FBXO34: variants seen among roughly 807,000 people sequenced by gnomAD.
The protein encoded by FBXO34 is F-box only protein 34.
A neutral mutation model predicts 24.5 loss-of-function variants in FBXO34; 12 were observed. That is an observed-to-expected ratio of 0.49 (90% CI 0.31 to 0.79). The LOEUF (loss-of-function observed/expected upper bound fraction) is 0.79. FBXO34 is among the 30% of genes least tolerant of loss of function. The probability of loss-of-function intolerance (pLI) is 0.04; values close to 1 mark genes in which losing one functional copy is unlikely to be tolerated. For synonymous variants in FBXO34, 320 were observed against 311.9 expected (o/e 1.03, Z -0.27); for missense variants, 823 against 857.7 (o/e 0.96, Z 0.51).
chr14:55,402,403 C>T, the FBXO34 span, among the ~76,000 whole-genome samples: 2 of 152,014 alleles, frequency 1.3e-5, no homozygotes, highest in East Asian at 1.9e-4. Flanking sequence ...CCTTTTGATT[C>T]GGTTATTGCA....
At chr14:55,418,218 G>T in the FBXO34 span, among the ~76,000 whole-genome samples, 1 of 152,222 alleles carries the variant, frequency 6.6e-6, no homozygotes, top group Non-Finnish European at 1.5e-5. Context: ...GCCAGATGGG[G>T]AGTATATTAG....
chr14:55,378,332 C>A, the FBXO34 span, among the ~76,000 whole-genome samples: 5 of 152,194 alleles, frequency 3.3e-5, no homozygotes, highest in African/African-American at 7.2e-5. Context: ...AATATCTGCA[C>A]ACTAATGAAA....
chr14:55,323,041 C>T (rs1304475252), intron 1 of FBXO34, among the ~76,000 whole-genome samples: 4 of 106,464 alleles, frequency 3.8e-5, no homozygotes, highest in South Asian at 3.2e-4. Context: ...AAAGCAAAAA[C>T]GGGCATGATG....
At chr14:55,436,477 T>C in the FBXO34 span, 1 of 1,188,926 alleles carries the variant, frequency 8.4e-7, no homozygotes, top group Non-Finnish European at 1.2e-6. Context: ...TTCCCTACTA[T>C]TATCCTGAAA....
chr14:55,384,084 G>A, the FBXO34 span, among the ~76,000 whole-genome samples: 5 of 152,112 alleles, frequency 3.3e-5, no homozygotes, highest in East Asian at 3.8e-4. Flanking sequence ...GTACTGCTGC[G>A]TCTCCCTTCT....
At chr14:55,418,200 G>A in the FBXO34 span, among the ~76,000 whole-genome samples, 1 of 152,196 alleles carries the variant, frequency 6.6e-6, no homozygotes, top group Non-Finnish European at 1.5e-5. Context: ...CAGCAGGGCT[G>A]GATTCCTGCC....
intron 1 of FBXO34, among the ~76,000 whole-genome samples, chr14:55,294,123 T>C (rs1403140953): frequency 6.6e-6 from 1 of 152,024 alleles, no homozygotes; most frequent in African/African-American, 2.4e-5. Flanking sequence ...CCCTCTTTGC[T>C]TGCACTTCTA....
intron 1 of FBXO34, among the ~76,000 whole-genome samples, chr14:55,338,048 CTTTTTTTTTTT>C (rs58194693): frequency 1.1e-5 from 1 of 88,266 alleles, no homozygotes. Context: ...GTATGTACTT[CTTTTTTTTTTT>C]TTTTTTTTGA....
the FBXO34 span, among the ~76,000 whole-genome samples, chr14:55,433,035 TA>T: frequency 6.6e-6 from 1 of 152,112 alleles, no homozygotes; most frequent in African/African-American, 2.4e-5. Flanking sequence ...TACTGTAACT[TA>T]AAAAAAATTC....
At chr14:55,397,271 A>G in the FBXO34 span, 2 of 1,013,774 alleles carry the variant, frequency 2.0e-6, no homozygotes, top group Non-Finnish European at 3.1e-6. Flanking sequence ...TCCTAAATTC[A>G]GTAAGTTAGC....
Position 55,323,180 on chromosome 14 carries a change from G to A in FBXO34, c.-10-27201G>A, listed in dbSNP as rs1423462509. Among the ~76,000 whole-genome samples, 247 of 25,622 alleles carry A rather than the reference G, an allele frequency of 9.6e-3. 9 individuals are homozygous for A. The highest frequency in any genetic ancestry group is 0.049 in the African/African-American group (238 of 4,828). The allele number at this position is 25,622 out of a possible 152,430, so 16.8% of individuals were successfully genotyped here. A position where few individuals can be genotyped will look rare whatever the true frequency, so the allele number is the denominator to read the frequency against. ...AGCCTGGGCGACAGAGTGAGACTCT[G>A]TCTCAAAAAAAAAAAAAAAAAAAAA... On this transcript the variant is annotated intron_variant, in intron 1 of 1. Coordinates refer to ENST00000313833, the MANE Select transcript of FBXO34 (RefSeq NM_017943.4).
chr14:55,440,643 G>T, the FBXO34 span: 1 of 1,340,570 alleles, frequency 7.5e-7, no homozygotes, highest in Non-Finnish European at 9.9e-7. Context: ...AGCGGGATGC[G>T]GAACCCAGCT....
At chr14:55,411,762 G>C in the FBXO34 span, 1 of 1,606,134 alleles carries the variant, frequency 6.2e-7, no homozygotes, top group South Asian at 1.1e-5. Flanking sequence ...CGGGCGAGCG[G>C]CCGGGGCCCG....
intron 1 of FBXO34, chr14:55,299,380 A>T (rs1419515125): frequency 6.1e-5 from 2 of 32,710 alleles, no homozygotes; most frequent in Non-Finnish European, 1.1e-4. Context: ...GTCTGCACCT[A>T]GTGGGATGGG....
chr14:55,294,432 C>G (rs1594732071), intron 1 of FBXO34, among the ~76,000 whole-genome samples: 1 of 152,076 alleles, frequency 6.6e-6, no homozygotes, highest in African/African-American at 2.4e-5. Context: ...GGAGTACATA[C>G]GCACACCACA....
At chr14:55,345,512 C>G (rs1884130474) in intron 1 of FBXO34, among the ~76,000 whole-genome samples, 1 of 152,158 alleles carries the variant, frequency 6.6e-6, no homozygotes, top group African/African-American at 2.4e-5. Flanking sequence ...GTGCTGATGT[C>G]CCCTTCTCCC....
intron 1 of FBXO34, chr14:55,298,617 G>T (rs955532029): frequency 8.5e-7 from 1 of 1,182,114 alleles, no homozygotes; most frequent in Non-Finnish European, 1.2e-6. Context: ...CAGCCGGAGC[G>T]GGCGTTGAAG....
chr14:55,278,009 C>T lies in FBXO34; in HGVS notation c.-11+6472C>T, dbSNP rs140510652. ...CCCCTGAATGACACTGCAGAGCTTG[C>T]CTGCCAAGGGGGCTACTGCCACCGC... On this transcript the variant is annotated intron_variant, in intron 1 of 1. Coordinates refer to ENST00000313833, the MANE Select transcript of FBXO34 (RefSeq NM_017943.4). 2.6e-5 allele frequency among the ~76,000 whole-genome samples: 4 copies of T among 152,218 alleles called. No individual in the cohort carries two copies. The East Asian group carries it at 7.7e-4, about 29-fold the overall frequency.
downstream of FBXO34, among the ~76,000 whole-genome samples, chr14:55,363,408 A>G (rs183512036): frequency 3.5e-3 from 529 of 151,950 alleles, 4 homozygotes; most frequent in Middle Eastern, 0.014. Context: ...GCTCACTGCA[A>G]CCTCAGCCTC....
Sources: allele counts gnomAD v4.1 joint callset (sites outside exome capture counted in the v4.1 genomes callset), GRCh38; gene constraint gnomAD v4.1.1; transcripts MANE v1.5; gene names NCBI Gene and HGNC (gene_info 2026-07-23, HGNC 2026-07-21).